FTO: variants seen among roughly 807,000 people sequenced by gnomAD.
FTO encodes FTO alpha-ketoglutarate dependent dioxygenase, also known as alpha-ketoglutarate-dependent dioxygenase FTO.
In FTO, 47 loss-of-function variants were observed where a neutral mutation model predicts 63.9. The observed-to-expected ratio is 0.74, with a 90% CI of 0.58 to 0.94. FTO has a LOEUF of 0.94. Ranked by LOEUF, FTO falls within the 40% of genes least tolerant of loss-of-function variation. The probability of loss-of-function intolerance (pLI) is 0.00; values close to 1 mark genes in which losing one functional copy is unlikely to be tolerated. For synonymous variants in FTO, 207 were observed against 224.4 expected, an observed-to-expected ratio of 0.92 and a Z score of 0.69; for missense variants, 562 against 618.1, an observed-to-expected ratio of 0.91 and a Z score of 0.96.
chr16:54,074,014 G>A (rs1454312920), intron 8 of FTO, among the ~76,000 whole-genome samples: 2 of 151,988 alleles, frequency 1.3e-5, no homozygotes, highest in Admixed American at 1.3e-4. Context: ...AGTCTGTCCT[G>A]TGAGTTAACA....
At chr16:54,006,837 T>C (rs2084218644) in intron 8 of FTO, among the ~76,000 whole-genome samples, 1 of 152,160 alleles carries the variant, frequency 6.6e-6, no homozygotes, top group Non-Finnish European at 1.5e-5. Flanking sequence ...GCCTGGAGTA[T>C]GTGTAATGCA....
chr16:53,769,701 T>C (rs1172209897), intron 1 of FTO, among the ~76,000 whole-genome samples: 1 of 152,152 alleles, frequency 6.6e-6, no homozygotes, highest in African/African-American at 2.4e-5. Flanking sequence ...TAACTTGATA[T>C]GATTTTTGCT....
chr16:53,815,773 C>T lies in FTO; in HGVS notation c.123+5556C>T, dbSNP rs149763568. On this transcript the variant is annotated intron_variant, in intron 2 of 8. Transcript: ENST00000471389. Reference sequence around the variant, plus strand: ...AAGCGATTCTCCTGCCTCAGCCTCCCGAATAGCTGGGACTACAGGCGCGCG... The same window carrying T: ...AAGCGATTCTCCTGCCTCAGCCTCCTGAATAGCTGGGACTACAGGCGCGCG... Among the ~76,000 whole-genome samples the T allele has an allele frequency of 0.022, 3,297 of 151,362 alleles. 216 individuals are homozygous for T. In the East Asian group the frequency reaches 0.28, roughly 13 times the overall value.
At chr16:54,063,745 G>C (rs2085648914) in intron 8 of FTO, 1 of 146,972 alleles carries the variant, frequency 6.8e-6, no homozygotes, top group Non-Finnish European at 1.5e-5. Flanking sequence ...GGTATGCGTA[G>C]CTATATCGGG....
intron 8 of FTO, among the ~76,000 whole-genome samples, chr16:54,056,360 G>A (rs1385791687): frequency 2.0e-5 from 3 of 152,128 alleles, no homozygotes; most frequent in African/African-American, 7.2e-5. Context: ...CCCAGCACAG[G>A]GTTTGTGGCC....
chr16:53,773,944 C>A (rs1385612801), intron 1 of FTO, among the ~76,000 whole-genome samples: 1 of 152,126 alleles, frequency 6.6e-6, no homozygotes, highest in African/African-American at 2.4e-5. Flanking sequence ...ACAAGCACCA[C>A]ATTTTAGGTT....
At chr16:53,713,159 T>C (rs1220683291) in intron 1 of FTO, among the ~76,000 whole-genome samples, 4 of 152,180 alleles carry the variant, frequency 2.6e-5, no homozygotes, top group African/African-American at 9.7e-5. Flanking sequence ...CTTATGAATT[T>C]TAAATTAATA....
In FTO at chr16:53,753,591, C is replaced by T. The variant is rs1346937180; in HGVS notation, c.45+49362C>T. Among the ~76,000 whole-genome samples, 3 of 152,090 alleles carry T rather than the reference C, an allele frequency of 2.0e-5. No individual in the cohort carries two copies. The East Asian group carries it at 5.8e-4, about 29-fold the overall frequency. On this transcript the variant is annotated intron_variant, in intron 1 of 8. Transcript: ENST00000471389. ...TTATTATTTGGTGCCACTTGTGGCT[C>T]GTGTCCTTCCTAATTATTGCAAATC...
intron 8 of FTO, among the ~76,000 whole-genome samples, chr16:54,047,116 C>A (rs2085187804): frequency 1.1e-5 from 1 of 94,200 alleles, no homozygotes; most frequent in African/African-American, 4.1e-5. Context: ...CAAATGGGAT[C>A]TAATTAAACT....
At chr16:54,080,949 A>G (rs2086125645) in intron 8 of FTO, among the ~76,000 whole-genome samples, 1 of 152,222 alleles carries the variant, frequency 6.6e-6, no homozygotes, top group Admixed American at 6.5e-5. Context: ...AGATCCTGTT[A>G]AGGCAGGATG....
At chr16:54,079,729 A>G (rs373378483) in intron 8 of FTO, among the ~76,000 whole-genome samples, 1 of 152,228 alleles carries the variant, frequency 6.6e-6, no homozygotes, top group East Asian at 1.9e-4. Context: ...TCAAACTGGA[A>G]CGTGTATGTC....
chr16:53,766,428 G>A (rs1259046172), intron 1 of FTO, among the ~76,000 whole-genome samples: 2 of 152,084 alleles, frequency 1.3e-5, no homozygotes, highest in East Asian at 3.9e-4. Context: ...TCACTGCATT[G>A]CCCAGGCTGG....
chr16:54,058,447 A>G (rs1324574288), intron 8 of FTO, among the ~76,000 whole-genome samples: 1 of 152,176 alleles, frequency 6.6e-6, no homozygotes, highest in East Asian at 1.9e-4. Context: ...AGCGCAGTAA[A>G]GAAACAGCCC....
At chr16:53,782,413 C>T (rs374799024) in intron 1 of FTO, among the ~76,000 whole-genome samples, 6 of 152,210 alleles carry the variant, frequency 3.9e-5, no homozygotes, top group African/African-American at 1.4e-4. Flanking sequence ...GAGATGGACT[C>T]ATGGAATGCT....
chr16:53,807,807 T>C (rs1387171928), intron 1 of FTO, among the ~76,000 whole-genome samples: 2 of 152,108 alleles, frequency 1.3e-5, no homozygotes, highest in East Asian at 3.9e-4. Context: ...GAAGTAAAAA[T>C]TGAGGTATAG....
At chr16:53,920,162 GC>G (rs2081975506) in intron 7 of FTO, among the ~76,000 whole-genome samples, 1 of 152,132 alleles carries the variant, frequency 6.6e-6, no homozygotes, top group Non-Finnish European at 1.5e-5. Context: ...CAGACTGGCT[GC>G]CATGTGTCAG....
chr16:53,761,317 G>T (rs1020601441), intron 1 of FTO, among the ~76,000 whole-genome samples: 1 of 149,202 alleles, frequency 6.7e-6, no homozygotes, highest in Non-Finnish European at 1.5e-5. Context: ...TCCCAGGCTT[G>T]TTTCCAACTC....
intron 1 of FTO, among the ~76,000 whole-genome samples, chr16:53,793,251 G>A (rs1336034366): frequency 6.6e-6 from 1 of 152,016 alleles, no homozygotes; most frequent in Non-Finnish European, 1.5e-5. Flanking sequence ...TTTTATTTCC[G>A]CAATCACTCC....
At chr16:54,031,810 C>T (rs1351391102) in intron 8 of FTO, among the ~76,000 whole-genome samples, 2 of 152,178 alleles carry the variant, frequency 1.3e-5, no homozygotes, top group African/African-American at 4.8e-5. Context: ...CTTAGCAAAC[C>T]TTAAGTCCTT....
Sources: gnomAD v4.1 joint callset for allele counts (sites outside exome capture counted in the v4.1 genomes callset) on GRCh38, gnomAD v4.1.1 for gene constraint, MANE v1.5 for transcripts, NCBI Gene and HGNC (gene_info 2026-07-23, HGNC 2026-07-21) for gene names.